The following PCDH7 variants were observed in gnomAD, a reference collection of about 807,000 sequenced individuals.
The protein encoded by PCDH7 is protocadherin 7.
A neutral mutation model predicts 58.9 loss-of-function variants in PCDH7; 17 were observed. The observed-to-expected ratio is 0.29, with a 90% CI of 0.20 to 0.43. PCDH7 has a LOEUF of 0.43. Ranked by LOEUF, PCDH7 falls within the 20% of genes least tolerant of loss-of-function variation. The probability of loss-of-function intolerance (pLI) is 1.00; values close to 1 mark genes in which losing one functional copy is unlikely to be tolerated. For synonymous variants in PCDH7, 664 were observed against 616.4 expected (o/e 1.08, Z -1.14); for missense variants, 1,274 against 1,441.0 (o/e 0.88, Z 1.88).
intron 1 of PCDH7, among the ~76,000 whole-genome samples, chr4:30,911,253 A>G (rs1741714032): frequency 6.6e-6 from 1 of 151,676 alleles, no homozygotes; most frequent in Non-Finnish European, 1.5e-5. Context: ...GCATCTGTAT[A>G]CCTATGTAAC....
chr4:30,838,310 A>G (rs1007605716), intron 1 of PCDH7, among the ~76,000 whole-genome samples: 7 of 152,092 alleles, frequency 4.6e-5, no homozygotes, highest in Non-Finnish European at 1.0e-4. Context: ...GGAATTTGAT[A>G]TACATTTTTT....
chr4:30,724,083 C>T, exon 1 of PCDH7: 2 of 1,614,004 alleles, frequency 1.2e-6, no homozygotes, highest in Non-Finnish European at 1.7e-6. Flanking sequence ...TGGTTGCTGG[C>T]ATTATGACGG....
intron 1 of PCDH7, among the ~76,000 whole-genome samples, chr4:30,771,020 T>C (rs1721330114): frequency 6.6e-6 from 1 of 152,234 alleles, no homozygotes; most frequent in Non-Finnish European, 1.5e-5. Flanking sequence ...TTAGGTCTTC[T>C]TAGTTCTGGG....
intron 1 of PCDH7, among the ~76,000 whole-genome samples, chr4:30,882,726 T>TA (rs1737147817): frequency 6.6e-6 from 1 of 152,200 alleles, no homozygotes; most frequent in African/African-American, 2.4e-5. Flanking sequence ...TGAAAGAAGA[T>TA]AAAAACAAAG....
intron 1 of PCDH7, among the ~76,000 whole-genome samples, chr4:30,876,633 T>C (rs2109366520): frequency 6.6e-6 from 1 of 152,172 alleles, no homozygotes; most frequent in Admixed American, 6.6e-5. Flanking sequence ...GAATGGGTAT[T>C]TAATATGTGA....
chr4:30,781,212 G>T (rs796279811), intron 1 of PCDH7, among the ~76,000 whole-genome samples: 5 of 149,974 alleles, frequency 3.3e-5, no homozygotes, highest in African/African-American at 9.8e-5. Context: ...AACCCAAGGC[G>T]TTCTTCTTTT....
intron 1 of PCDH7, among the ~76,000 whole-genome samples, chr4:30,814,677 ACAAAT>A (rs1483985653): frequency 6.6e-6 from 1 of 152,180 alleles, no homozygotes. Flanking sequence ...AGATATGGAA[ACAAAT>A]CAAACTGTTT....
chr4:30,880,737 T>C (rs1308861557), intron 1 of PCDH7, among the ~76,000 whole-genome samples: 1 of 152,134 alleles, frequency 6.6e-6, no homozygotes, highest in Non-Finnish European at 1.5e-5. Flanking sequence ...ATAGTTTCCT[T>C]TTTGAGAAAC....
intron 3 of PCDH7, among the ~76,000 whole-genome samples, chr4:31,051,975 A>G (rs1756782530): frequency 6.6e-6 from 1 of 151,940 alleles, no homozygotes; most frequent in Non-Finnish European, 1.5e-5. Flanking sequence ...CTGACGGACT[A>G]TTTTTCTGTG....
intron 3 of PCDH7, among the ~76,000 whole-genome samples, chr4:31,123,625 C>T (rs1038759741): frequency 1.3e-5 from 2 of 152,192 alleles, no homozygotes; most frequent in Non-Finnish European, 2.9e-5. Flanking sequence ...TTTAGCTTTG[C>T]TGTTCACGGA....
chr4:30,778,468 T>A (rs1722356309), intron 1 of PCDH7, among the ~76,000 whole-genome samples: 1 of 152,144 alleles, frequency 6.6e-6, no homozygotes, highest in South Asian at 2.1e-4. Context: ...CCCCAAAATT[T>A]AAAATGAAAA....
At chr4:30,757,399 G>C (rs993824521) in intron 1 of PCDH7, among the ~76,000 whole-genome samples, 1 of 152,184 alleles carries the variant, frequency 6.6e-6, no homozygotes, top group Non-Finnish European at 1.5e-5. Flanking sequence ...AGGGCAGAAA[G>C]GCCCTTAGCA....
At chr4:31,116,704 C>A (rs1042490668) in intron 3 of PCDH7, among the ~76,000 whole-genome samples, 1 of 152,304 alleles carries the variant, frequency 6.6e-6, no homozygotes, top group Admixed American at 6.5e-5. Flanking sequence ...AGAATTAATA[C>A]AACTGTAAAA....
At chr4:31,010,524 A>C (rs1191660017) in intron 3 of PCDH7, among the ~76,000 whole-genome samples, 3 of 151,980 alleles carry the variant, frequency 2.0e-5, no homozygotes. Flanking sequence ...CTTCATTTGA[A>C]TATCTCTACT....
chr4:30,940,418 A>G (rs1745886193), intron 2 of PCDH7, among the ~76,000 whole-genome samples: 1 of 151,974 alleles, frequency 6.6e-6, no homozygotes, highest in Admixed American at 6.6e-5. Flanking sequence ...TATTTGAAAA[A>G]TCCCAACATT....
intron 1 of PCDH7, among the ~76,000 whole-genome samples, chr4:30,837,899 TTA>T (rs5857206): frequency 0.57 from 83,619 of 146,002 alleles, 24,267 homozygotes; most frequent in African/African-American, 0.68. Context: ...TATGTATATT[TTA>T]TATATATATA....
chr4:30,766,987 T>C (rs1720829727), intron 1 of PCDH7, among the ~76,000 whole-genome samples: 1 of 152,124 alleles, frequency 6.6e-6, no homozygotes, highest in Non-Finnish European at 1.5e-5. Context: ...TTATTACTCA[T>C]CTCAAATATT....
intron 3 of PCDH7, among the ~76,000 whole-genome samples, chr4:31,133,808 A>G (rs933518160): frequency 2.0e-5 from 3 of 152,230 alleles, no homozygotes; most frequent in Non-Finnish European, 4.4e-5. Flanking sequence ...TCTCCACTCT[A>G]TATAATAATG....
At chr4:31,073,507 G>A (rs1004623185) in intron 3 of PCDH7, among the ~76,000 whole-genome samples, 4 of 152,122 alleles carry the variant, frequency 2.6e-5, no homozygotes, top group East Asian at 3.9e-4. Context: ...AATAATTAAA[G>A]GGATAATAAC....
Sources: gnomAD v4.1 joint callset for allele counts (sites outside exome capture counted in the v4.1 genomes callset) on GRCh38, gnomAD v4.1.1 for gene constraint, MANE v1.5 for transcripts, NCBI Gene and HGNC (gene_info 2026-07-23, HGNC 2026-07-21) for gene names.